FOCAD: variants seen among roughly 807,000 people sequenced by gnomAD.
FOCAD encodes KIAA1797.
FOCAD carries 198 observed loss-of-function variants against 225.6 expected under a neutral mutation model. That is an observed-to-expected ratio of 0.88 (90% CI 0.78 to 0.99). The LOEUF is 0.99. Ranked by LOEUF, FOCAD falls within the 50% of genes least tolerant of loss-of-function variation. The pLI, the probability that FOCAD is intolerant of heterozygous loss-of-function variation, is 0.00. For synonymous variants in FOCAD, 897 were observed against 755.0 expected, an observed-to-expected ratio of 1.19 and a Z score of -3.08; for missense variants, 2,713 against 2,123.6, an observed-to-expected ratio of 1.28 and a Z score of -5.46.
rs191066556 is a variant in FOCAD, at chr9:20,928,506, A to T, written c.3079-852A>T. Among the ~76,000 whole-genome samples, 4 of 152,330 alleles carry T rather than the reference A, an allele frequency of 2.6e-5. No homozygotes were observed. The East Asian group carries it at 7.7e-4, about 29-fold the overall frequency. On this transcript the variant is annotated intron_variant, in intron 26 of 43. Transcript: ENST00000338382. ...TGTCTGAAACTTTAAATTGGATAAT[A>T]GTGAGGAATGATAAACGGGCTTTCT...
intron 35 of FOCAD, among the ~76,000 whole-genome samples, chr9:20,964,146 G>A (rs1250880959): frequency 5.3e-5 from 8 of 151,902 alleles, no homozygotes; most frequent in Non-Finnish European, 1.2e-4. Context: ...CAGGTAGATC[G>A]CCTAAGGTCA....
At position 20,995,643 on chromosome 9, in the gene FOCAD, A is replaced by T; in HGVS notation, c.*14A>T. ...TATGGTTGGTGAACAGTTTTGCAGT[A>T]ACCAGCAGCATTCTCAGCTGGATGA... On this transcript the variant is annotated 3_prime_UTR_variant, in exon 44 of 44. Transcript: ENST00000338382. 3 of 1,609,170 alleles carry T rather than the reference A, an allele frequency of 1.9e-6. No individual in the cohort carries two copies. Among genetic ancestry groups the T allele is most frequent in the African/African-American group, 1.3e-5 (1 of 74,944 alleles).
At chr9:20,858,421 G>A (rs183459420) in intron 15 of FOCAD, among the ~76,000 whole-genome samples, 3 of 151,964 alleles carry the variant, frequency 2.0e-5, no homozygotes, top group Admixed American at 6.6e-5. Context: ...AATTTTTGTG[G>A]TATTGTATTT....
chr9:20,766,670 C>T (rs1341522175), intron 7 of FOCAD, among the ~76,000 whole-genome samples: 1 of 151,772 alleles, frequency 6.6e-6, no homozygotes, highest in African/African-American at 2.4e-5. Flanking sequence ...CCCTCCCTTC[C>T]TTATTTTTTT....
intron 1 of FOCAD, among the ~76,000 whole-genome samples, chr9:20,690,805 A>G (rs1822925790): frequency 6.6e-6 from 1 of 152,096 alleles, no homozygotes; most frequent in Non-Finnish European, 1.5e-5. Context: ...GCCTGGGCCC[A>G]GAGTGCTGGG....
intron 21 of FOCAD, among the ~76,000 whole-genome samples, chr9:20,896,749 T>G (rs541495380): frequency 1.1e-3 from 164 of 152,034 alleles, no homozygotes; most frequent in African/African-American, 3.8e-3. Context: ...CTAAATTTGT[T>G]GAATTTGTTA....
chr9:20,803,693 A>G (rs1237271141), intron 11 of FOCAD, among the ~76,000 whole-genome samples: 4 of 152,124 alleles, frequency 2.6e-5, no homozygotes, highest in Non-Finnish European at 5.9e-5. Context: ...TCTCACCTGC[A>G]TCAAGAGTCT....
At chr9:20,876,753 C>T (rs1564101368) in intron 19 of FOCAD, among the ~76,000 whole-genome samples, 2 of 152,032 alleles carry the variant, frequency 1.3e-5, no homozygotes, top group African/African-American at 2.4e-5. Flanking sequence ...AAAAAGTCAC[C>T]AGCCTTAGGA....
intron 4 of FOCAD, among the ~76,000 whole-genome samples, chr9:20,723,708 G>A (rs1825973480): frequency 6.6e-6 from 1 of 152,124 alleles, no homozygotes; most frequent in South Asian, 2.1e-4. Context: ...AACAGAAATA[G>A]TAGCCTATTA....
chr9:20,834,924 A>G (rs1825853296), intron 15 of FOCAD, among the ~76,000 whole-genome samples: 1 of 152,132 alleles, frequency 6.6e-6, no homozygotes, highest in Non-Finnish European at 1.5e-5. Flanking sequence ...AATTGATTTC[A>G]TATTGAAGTG....
chr9:20,952,043 G>T (rs960775298), intron 34 of FOCAD, among the ~76,000 whole-genome samples: 1 of 152,126 alleles, frequency 6.6e-6, no homozygotes. Flanking sequence ...ACTTTAGACA[G>T]CTAAAGTTAC....
chr9:20,924,770 T>C (rs1336200058), intron 25 of FOCAD, among the ~76,000 whole-genome samples: 1 of 152,144 alleles, frequency 6.6e-6, no homozygotes, highest in Non-Finnish European at 1.5e-5. Context: ...TTAAAAACTG[T>C]ATTTTGGGAA....
At position 20,881,391 on chromosome 9, in the gene FOCAD, A is replaced by C. The variant is rs1016509035; in HGVS notation, c.2318-480A>C. Among the ~76,000 whole-genome samples, 3 of 152,150 alleles carry C rather than the reference A, an allele frequency of 2.0e-5. 1 individual carries two copies. In the South Asian group the frequency reaches 6.2e-4, roughly 32 times the overall value. On this transcript the variant is annotated intron_variant, in intron 19 of 43. Transcript: ENST00000338382. The stretch of plus-strand genomic sequence containing the variant: ...GTCTTGATCATGGTCAGAAGTTGTG[A>C]TTTTATTTTATGCACAGTGAAAAGC...
Position 20,995,745 on chromosome 9 carries a change from G to T in FOCAD, c.*116G>T. On this transcript the variant is annotated 3_prime_UTR_variant, in exon 44 of 44. Coordinates refer to ENST00000338382, the MANE Select transcript of FOCAD (RefSeq NM_001375567.1). Reference sequence around the variant, plus strand: ...TGAGACATGATGCAGAGAGTTAAGGGTCATGAAAAGATGGCCACATCACTG... The same window carrying T: ...TGAGACATGATGCAGAGAGTTAAGGTTCATGAAAAGATGGCCACATCACTG... 1.1e-6 allele frequency: 1 copy of T among 882,422 alleles called. No individual in the cohort carries two copies. The highest frequency in any genetic ancestry group is 1.8e-6 in the Non-Finnish European group (1 of 569,450). The allele number at this position is 882,422 out of a possible 1,614,324, so 54.7% of individuals were successfully genotyped here.
At chr9:20,693,910 C>T (rs1344166822) in intron 1 of FOCAD, among the ~76,000 whole-genome samples, 1 of 152,136 alleles carries the variant, frequency 6.6e-6, no homozygotes, top group African/African-American at 2.4e-5. Flanking sequence ...GGCACTTCAC[C>T]ATGTTGGCCA....
At chr9:20,747,364 G>C (rs1828134742) in intron 5 of FOCAD, among the ~76,000 whole-genome samples, 1 of 152,078 alleles carries the variant, frequency 6.6e-6, no homozygotes, top group African/African-American at 2.4e-5. Context: ...TTATACTGCT[G>C]ATAAATGTGC....
chr9:20,656,733 T>C (rs1821489517), upstream of FOCAD, among the ~76,000 whole-genome samples: 1 of 152,174 alleles, frequency 6.6e-6, no homozygotes, highest in Non-Finnish European at 1.5e-5. Context: ...GTTTATCCAA[T>C]TTGCCAGTCT....
intron 11 of FOCAD, among the ~76,000 whole-genome samples, chr9:20,808,025 C>T (rs748071806): frequency 1.7e-4 from 25 of 150,726 alleles, no homozygotes; most frequent in Non-Finnish European, 3.4e-4. Context: ...TATTCTAGGG[C>T]GACAGAGTGA....
chr9:20,689,338 G>T (rs548629058), intron 1 of FOCAD, among the ~76,000 whole-genome samples: 7 of 152,216 alleles, frequency 4.6e-5, no homozygotes, highest in Admixed American at 3.3e-4. Context: ...GTGGTACCCA[G>T]GGAGGAAGGG....
Sources: gnomAD v4.1 joint callset for allele counts (sites outside exome capture counted in the v4.1 genomes callset) on GRCh38, gnomAD v4.1.1 for gene constraint, MANE v1.5 for transcripts, NCBI Gene and HGNC (gene_info 2026-07-23, HGNC 2026-07-21) for gene names.